Variants in CYP2R1 observed in about 807,000 individuals in gnomAD.
The protein encoded by CYP2R1 is vitamin D 25-hydroxylase.
CYP2R1 carries 40 observed loss-of-function variants against 45.7 expected under a neutral mutation model. That is an observed-to-expected ratio of 0.87 (90% CI 0.68 to 1.14). CYP2R1 has a LOEUF of 1.14. Among genes scored for constraint, CYP2R1 ranks in the 50% most tolerant of loss-of-function variants. The pLI is 0.00. For synonymous variants in CYP2R1, 234 were observed against 219.3 expected (o/e 1.07, Z -0.59); for missense variants, 605 against 602.6 (o/e 1.00, Z -0.04).
chr11:14,887,660 CTT>C (rs1258156433), intron 1 of CYP2R1: 1 of 985,074 alleles, frequency 1.0e-6, no homozygotes, highest in Non-Finnish European at 1.2e-6. Flanking sequence ...CTTCAAGTCT[CTT>C]TCCCTCACCC....
Position 14,890,864 on chromosome 11 carries a change from G to A in CYP2R1, c.225+1117C>T, listed in dbSNP as rs985685948. On this transcript the variant is annotated intron_variant, in intron 1 of 4. Transcript: ENST00000334636. ...CGCCCGGGCACCTAGACCAATCCTTGTAAAAATTGGTTTAAGTAAGGATTT... is the reference window on the plus strand; with the variant it reads ...CGCCCGGGCACCTAGACCAATCCTTATAAAAATTGGTTTAAGTAAGGATTT... 6 of 985,144 alleles carry A rather than the reference G, an allele frequency of 6.1e-6. No homozygotes were observed. The African/African-American group carries it at 1.0e-4, about 17-fold the overall frequency. The allele number at this position is 985,144 out of a possible 1,614,324, so 61.0% of individuals were successfully genotyped here. A position where few individuals can be genotyped will look rare whatever the true frequency, so the allele number is the denominator to read the frequency against.
At chr11:14,889,012 T>G (rs1565187962) in intron 1 of CYP2R1, among the ~76,000 whole-genome samples, 1 of 152,180 alleles carries the variant, frequency 6.6e-6, no homozygotes, top group African/African-American at 2.4e-5. Context: ...TGTGATACAC[T>G]TCTATTTAAG....
rs781924084 is a variant in CYP2R1 at position 14,891,983 on chromosome 11, C to T, written c.223G>A (p.Glu75Lys). 6.2e-7 allele frequency: 1 copy of T among 1,613,148 alleles called. No individual in the cohort carries two copies. Among genetic ancestry groups the T allele is most frequent in the Non-Finnish European group, 8.5e-7 (1 of 1,179,732 alleles). Residue 75 changes from glutamate (E) to lysine (K), a missense_variant and splice_region_variant, in exon 1 of 5, where the codon GAG becomes AAG. Physicochemically the swap from Glu to Lys is moderately conservative, Grantham distance 56 (BLOSUM62 1). Coordinates refer to ENST00000334636, the MANE Select transcript of CYP2R1 (RefSeq NM_024514.5). ...YMRKQSQVYGEIFSLDLGGIS... is the reference protein window; with the variant it reads ...YMRKQSQVYGKIFSLDLGGIS... ...CCCGGGGCCCGTCGGGGCTGTACCT[C>T]TCCGTACACCTGGCTCTGCTTTCTC... is the stretch of plus-strand genomic sequence containing the variant.
intron 2 of CYP2R1, 138 bp from the exon 3 acceptor site, chr11:14,880,906 G>A (rs1313136478): frequency 1.6e-5 from 12 of 767,792 alleles, no homozygotes; most frequent in Admixed American, 9.0e-5. Flanking sequence ...GTTGGGTCCT[G>A]TTCTCAGCAA....
At chr11:14,887,525 T>A in intron 1 of CYP2R1, 1 of 881,494 alleles carries the variant, frequency 1.1e-6, no homozygotes, top group Non-Finnish European at 1.4e-6. Context: ...GGTACAAGAT[T>A]AGCTTATATA....
intron 2 of CYP2R1, among the ~76,000 whole-genome samples, chr11:14,882,939 T>A (rs1473726701): frequency 9.2e-5 from 14 of 152,070 alleles, no homozygotes; most frequent in East Asian, 1.9e-4. Flanking sequence ...CACAATTGCT[T>A]CAAAGAGAAT....
rs892505158 is a variant in CYP2R1 at position 14,880,561 on chromosome 11, T to C, written c.575A>G (p.Asn192Ser). The change falls in exon 3 of 5, where the codon AAT (asparagine) becomes AGT (serine). Residue 192 changes from asparagine (N) to serine (S), a missense_variant. Coordinates refer to ENST00000334636, the MANE Select transcript of CYP2R1 (RefSeq NM_024514.5). The part of the protein sequence containing the change: ...LITNAVSNIT[N>S]LIIFGERFTY... ...GAATCGTTCTCCAAAAATGATCAGA[T>C]TGGTTATGTTTGAAACAGCATTCGT... 6.2e-7 allele frequency: 1 copy of C among 1,613,444 alleles called. No homozygotes were observed. Among genetic ancestry groups the C allele is most frequent in the Non-Finnish European group, 8.5e-7 (1 of 1,179,652 alleles).
At chr11:14,891,670 C>G in intron 1 of CYP2R1, 3 of 1,174,420 alleles carry the variant, frequency 2.6e-6, no homozygotes, top group Non-Finnish European at 3.2e-6. Context: ...GGCGGCGCGG[C>G]TGGCGAGCCA....
At chr11:14,887,656 GTC>G (rs1848670962) in intron 1 of CYP2R1, 2 of 985,026 alleles carry the variant, frequency 2.0e-6, no homozygotes, top group Non-Finnish European at 1.2e-6. Context: ...TGATCTTCAA[GTC>G]TCTTTCCCTC....
At chr11:14,890,808 A>T in intron 1 of CYP2R1, 1 of 951,114 alleles carries the variant, frequency 1.1e-6, no homozygotes, top group Non-Finnish European at 1.3e-6. Context: ...TCGGCCTCCT[A>T]AAGTGCTGGG....
At chr11:14,879,507 C>T in intron 3 of CYP2R1, 64 bp from the exon 4 acceptor site, 1 of 1,315,076 alleles carries the variant, frequency 7.6e-7, no homozygotes, top group South Asian at 1.2e-5. Flanking sequence ...AGTTATTTCC[C>T]TCTGGAATAA....
At chr11:14,891,958 C>T (rs1555017207) in intron 1 of CYP2R1, 23 bp downstream of exon 1, 1 of 1,609,640 alleles carries the variant, frequency 6.2e-7, no homozygotes, top group Non-Finnish European at 8.5e-7. Flanking sequence ...GCCCTCCCTG[C>T]CCGGGGCCCG....
At chr11:14,889,160 AGTT>A (rs1848729934) in intron 1 of CYP2R1, among the ~76,000 whole-genome samples, 1 of 126,966 alleles carries the variant, frequency 7.9e-6, no homozygotes, top group Admixed American at 8.8e-5. Context: ...TTTAAAGTCC[AGTT>A]GTTTTTTTTT....
chr11:14,892,130 C>T lies in CYP2R1; in HGVS notation c.76G>A (p.Gly26Arg), dbSNP rs1848884462. The change falls in exon 1 of 5, where the codon GGG becomes AGG. Residue 26 changes from glycine (G) to arginine (R), a missense_variant. Transcript: ENST00000334636. ...GALFLLLFAL[G>R]VRQLLKQRRP... is the part of the protein sequence containing the mutation. ...CTCTGCTTCAGCAGCTGGCGGACCC[C>T]TAGCGCGAAGAGCAGCAGGAAGAGC... 6.2e-7 allele frequency: 1 copy of T among 1,611,616 alleles called. No homozygotes were observed. Among genetic ancestry groups the T allele is most frequent in the Middle Eastern group, 1.8e-4 (1 of 5,518 alleles).
chr11:14,891,311 G>C (rs1178215298), intron 1 of CYP2R1: 132 of 985,312 alleles, frequency 1.3e-4, no homozygotes, highest in Non-Finnish European at 1.6e-4. Context: ...CACAGAAGGC[G>C]CCTTTTAAGT....
chr11:14,883,352 C>G (rs1455290624), intron 2 of CYP2R1, among the ~76,000 whole-genome samples: 2 of 152,070 alleles, frequency 1.3e-5, no homozygotes, highest in African/African-American at 2.4e-5. Context: ...ATCAATGGAA[C>G]AGAACAGAGC....
intron 1 of CYP2R1, chr11:14,891,190 G>A: frequency 2.0e-6 from 2 of 985,480 alleles, no homozygotes; most frequent in Non-Finnish European, 2.4e-6. Context: ...GCCAGTCACA[G>A]GGCATTTCCG....
chr11:14,886,021 C>A (rs112205170), intron 1 of CYP2R1, 104 bp from the exon 2 acceptor site: 1 of 1,149,614 alleles, frequency 8.7e-7, no homozygotes, highest in Non-Finnish European at 1.3e-6. Flanking sequence ...GGATTTGTTA[C>A]GTCCCTGAAA....
rs530736178 is a variant in CYP2R1 at position 14,877,599 on chromosome 11, C to G, written c.*523G>C. The G allele has an allele frequency of 2.0e-5, 3 of 152,720 alleles. No homozygotes were observed. The highest frequency in any genetic ancestry group is 7.2e-5 in the African/African-American group (3 of 41,558). 9.5% of individuals were successfully genotyped at this position (152,720 alleles called of 1,614,324 possible). A position where few individuals can be genotyped will look rare whatever the true frequency, so the allele number is the denominator to read the frequency against. ...GATATGAAAGCACTGGCAGGCTCTA[C>G]ATTAAATACATATTTCTTCTACCAT... On this transcript the variant is annotated 3_prime_UTR_variant, in exon 5 of 5. Transcript: ENST00000334636.
Sources: gnomAD v4.1 joint callset for allele counts (sites outside exome capture counted in the v4.1 genomes callset) on GRCh38, gnomAD v4.1.1 for gene constraint, MANE v1.5 for transcripts, NCBI Gene and HGNC (gene_info 2026-07-23, HGNC 2026-07-21) for gene names.